Variants in ATG4A observed in about 807,000 individuals in gnomAD.
ATG4A encodes cysteine protease ATG4A.
A neutral mutation model predicts 38.4 loss-of-function variants in ATG4A; 22 were observed. The ratio of observed to expected loss-of-function variants is 0.57; its 90% confidence interval spans 0.41 to 0.82. The LOEUF is 0.82. ATG4A is among the 40% of genes least tolerant of loss of function. The probability of loss-of-function intolerance (pLI) is 0.00; values close to 1 mark genes in which losing one functional copy is unlikely to be tolerated. For synonymous variants in ATG4A, 86 were observed against 100.7 expected, an observed-to-expected ratio of 0.85 and a Z score of 0.88; for missense variants, 220 against 290.0, an observed-to-expected ratio of 0.76 and a Z score of 1.75.
intron 6 of ATG4A, among the ~76,000 whole-genome samples, chrX:108,136,346 G>C (rs766931240): frequency 1.8e-5 from 2 of 111,326 alleles, no homozygotes; most frequent in African/African-American, 6.5e-5. Flanking sequence ...TACTTAACTG[G>C]CAAGGAAAGA....
chrX:108,141,226 A>G (rs771311723), intron 9 of ATG4A, among the ~76,000 whole-genome samples: 1 of 102,995 alleles, frequency 9.7e-6, no homozygotes, highest in East Asian at 3.0e-4. Flanking sequence ...CATGTTGCTG[A>G]ACCCATGTGT....
At chrX:108,093,340 C>T (rs1362874013) in intron 1 of ATG4A, among the ~76,000 whole-genome samples, 1 of 112,191 alleles carries the variant, frequency 8.9e-6, no homozygotes. Flanking sequence ...TGTCTGATTT[C>T]TTTCACTTAG....
At chrX:108,106,983 G>T (rs924832702) in intron 1 of ATG4A, among the ~76,000 whole-genome samples, 7 of 111,298 alleles carry the variant, frequency 6.3e-5, no homozygotes, top group Non-Finnish European at 1.3e-4. Context: ...TATTCCACAT[G>T]TATACACATA....
At chrX:108,107,113 C>G (rs185617736) in intron 1 of ATG4A, among the ~76,000 whole-genome samples, 1 of 110,119 alleles carries the variant, frequency 9.1e-6, no homozygotes, top group African/African-American at 3.3e-5. Context: ...TCCTTTAGTC[C>G]CACACTGTTT....
intron 1 of ATG4A, among the ~76,000 whole-genome samples, chrX:108,118,782 C>T (rs941221068): frequency 8.9e-6 from 1 of 112,191 alleles, no homozygotes; most frequent in Non-Finnish European, 1.9e-5. Context: ...TCTACTCGCT[C>T]CTTAAAATCT....
At chrX:108,140,463 G>A (rs918036968) in intron 9 of ATG4A, among the ~76,000 whole-genome samples, 4 of 109,307 alleles carry the variant, frequency 3.7e-5, no homozygotes, top group African/African-American at 1.3e-4. Flanking sequence ...TCTGAAGGGA[G>A]GGAAGAGATG....
intron 9 of ATG4A, among the ~76,000 whole-genome samples, chrX:108,148,521 CA>C: frequency 1.0e-5 from 1 of 98,629 alleles, no homozygotes; most frequent in African/African-American, 3.5e-5. Flanking sequence ...TGCACATACA[CA>C]CACACACACA....
chrX:108,091,662 C>T, upstream of ATG4A: 1 of 912,830 alleles, frequency 1.1e-6, no homozygotes, highest in Non-Finnish European at 1.6e-6. Flanking sequence ...TCGCGCGGCG[C>T]CTCTGGGAGT....
At chrX:108,126,218 C>T in intron 2 of ATG4A, 31 bp downstream of exon 2, 1 of 1,065,082 alleles carries the variant, frequency 9.4e-7, no homozygotes, top group Non-Finnish European at 1.3e-6. Context: ...TCTGTAAGAA[C>T]CCAGATGAGG....
chrX:108,129,974 C>T (rs1405508184), intron 3 of ATG4A, among the ~76,000 whole-genome samples: 1 of 108,069 alleles, frequency 9.3e-6, no homozygotes, highest in African/African-American at 3.4e-5. Flanking sequence ...TTAACTTTCT[C>T]TGGCTGAGGA....
intron 9 of ATG4A, among the ~76,000 whole-genome samples, chrX:108,148,529 C>T (rs1260114659): frequency 3.7e-5 from 4 of 108,377 alleles, no homozygotes; most frequent in African/African-American, 1.4e-4. Flanking sequence ...CACACACACA[C>T]ACACACACAC....
At chrX:108,142,412 TAGTC>T (rs1435693143) in intron 9 of ATG4A, among the ~76,000 whole-genome samples, 2 of 109,921 alleles carry the variant, frequency 1.8e-5, no homozygotes, top group Non-Finnish European at 3.8e-5. Context: ...CAGATTGTAT[TAGTC>T]AGGGTTCTCT....
At chrX:108,140,586 C>CAT (rs1396711577) in intron 9 of ATG4A, among the ~76,000 whole-genome samples, 2 of 103,107 alleles carry the variant, frequency 1.9e-5, no homozygotes, top group Non-Finnish European at 3.9e-5. Flanking sequence ...CATATATATA[C>CAT]ATATATATAC....
In ATG4A at chrX:108,134,291, T is replaced by C. The variant is rs765950119; in HGVS notation, c.395-48T>C. 2.9e-5 allele frequency: 34 copies of C among 1,178,029 alleles called. No homozygotes were observed. In the South Asian group the frequency reaches 5.4e-4, roughly 19 times the overall value. The stretch of plus-strand genomic sequence containing the variant: ...CAAAAAATTAAGATTTTGTGGCTTA[T>C]TGGAAGATCTTTTGCTAACATGTTA... On this transcript the variant is annotated intron_variant, in intron 5 of 12. Transcript: ENST00000372232.
chrX:108,135,966 T>A (rs1262871354), intron 6 of ATG4A, among the ~76,000 whole-genome samples: 1 of 109,543 alleles, frequency 9.1e-6, no homozygotes, highest in African/African-American at 3.3e-5. Flanking sequence ...GTATTTTTAG[T>A]AGAGATGGAG....
chrX:108,110,019 A>G (rs1312934409), intron 1 of ATG4A, among the ~76,000 whole-genome samples: 1 of 110,409 alleles, frequency 9.1e-6, no homozygotes, highest in Non-Finnish European at 1.9e-5. Flanking sequence ...TTATTAATTG[A>G]CACACAGAAT....
chrX:108,129,576 T>A (rs1171017944), intron 3 of ATG4A, among the ~76,000 whole-genome samples: 2 of 105,486 alleles, frequency 1.9e-5, no homozygotes, highest in Non-Finnish European at 3.9e-5. Flanking sequence ...TTTCTTTTTT[T>A]TTTTTTTTTT....
At chrX:108,140,812 T>C (rs994466268) in intron 9 of ATG4A, among the ~76,000 whole-genome samples, 12 of 98,189 alleles carry the variant, frequency 1.2e-4, no homozygotes, top group African/African-American at 4.1e-4. Context: ...ATATAAAATA[T>C]ATATAAAATG....
At chrX:108,092,586 A>G (rs2031665720) in intron 1 of ATG4A, among the ~76,000 whole-genome samples, 2 of 112,639 alleles carry the variant, frequency 1.8e-5, no homozygotes, top group South Asian at 7.3e-4. Flanking sequence ...AAAGAGCCAG[A>G]TAGTAAATAT....
Sources: gnomAD v4.1 joint callset for allele counts (sites outside exome capture counted in the v4.1 genomes callset) on GRCh38, gnomAD v4.1.1 for gene constraint, MANE v1.5 for transcripts, NCBI Gene and HGNC (gene_info 2026-07-23, HGNC 2026-07-21) for gene names.